Variants in MMP25 observed in about 807,000 individuals in gnomAD.
MMP25 encodes matrix metalloproteinase-25.
Under a neutral mutation model 62.1 loss-of-function variants are expected in MMP25, and 68 were observed. The ratio of observed to expected loss-of-function variants is 1.10; its 90% CI spans 0.90 to 1.34. The LOEUF (loss-of-function observed/expected upper bound fraction) is 1.34. Ranked by LOEUF, MMP25 falls within the 40% of genes most tolerant of loss-of-function variation. The probability of loss-of-function intolerance (pLI) is 0.00; values close to 1 mark genes in which losing one functional copy is unlikely to be tolerated. For synonymous variants in MMP25, 407 were observed against 345.6 expected (o/e 1.18, Z -1.97); for missense variants, 942 against 792.5 (o/e 1.19, Z -2.26).
Position 3,057,339 on chromosome 16 carries a change from C to G in MMP25, c.868C>G (p.Pro290Ala). The G allele has an allele frequency of 1.2e-6, 2 of 1,614,014 alleles. No individual in the cohort carries two copies. The highest frequency in any genetic ancestry group is 1.7e-6 in the Non-Finnish European group (2 of 1,179,980). Residue 290 changes from proline (P) to alanine (A), a missense_variant, in exon 6 of 10, where the codon CCC becomes GCC. Coordinates refer to ENST00000336577, the MANE Select transcript of MMP25 (RefSeq NM_022468.5). ...GGCGCCCCAAACCCCATATGACAAG[C>G]CCACAAGGAAACCCCTGGCTCCTCC... ...GKAPQTPYDK[P>A]TRKPLAPPPQ... is the part of the protein sequence containing the mutation.
intron 4 of MMP25, among the ~76,000 whole-genome samples, chr16:3,050,938 G>C (rs1955893765): frequency 6.6e-6 from 1 of 151,702 alleles, no homozygotes; most frequent in Non-Finnish European, 1.5e-5. Flanking sequence ...CCACAGATGT[G>C]CACCACCACA....
At chr16:3,055,903 G>A (rs1259749563) in intron 4 of MMP25, 1 of 455,552 alleles carries the variant, frequency 2.2e-6, no homozygotes, top group Non-Finnish European at 4.4e-6. Context: ...AGCCGGGGCT[G>A]GCGTGTGAAT....
chr16:3,050,334 G>A lies in MMP25; in HGVS notation c.449G>A (p.Gly150Asp). ...VLMSYALMAW[G>D]MESGLTFHEV... Reference sequence around the variant, plus strand: ...ATGAGCTATGCCCTGATGGCCTGGGGCATGGAGTCAGGCCTCACATTTCAT... The same window carrying A: ...ATGAGCTATGCCCTGATGGCCTGGGACATGGAGTCAGGCCTCACATTTCAT... The change falls in exon 4 of 10, where the codon GGC (glycine) becomes GAC (aspartate). Residue 150 changes from glycine (G) to aspartate (D), a missense_variant. Gly to Asp is a moderately conservative substitution (Grantham distance 94, BLOSUM62 -1). Coordinates refer to ENST00000336577, the MANE Select transcript of MMP25 (RefSeq NM_022468.5). 2 of 1,613,984 alleles carry A rather than the reference G, an allele frequency of 1.2e-6. No individual in the cohort carries two copies. Among genetic ancestry groups the A allele is most frequent in the Non-Finnish European group, 1.7e-6 (2 of 1,179,984 alleles).
At chr16:3,047,143 G>T in intron 1 of MMP25, 127 bp downstream of exon 1, 3 of 1,155,192 alleles carry the variant, frequency 2.6e-6, no homozygotes, top group South Asian at 1.7e-5. Context: ...CTGAGGATGG[G>T]GTCTGTGCTC....
At position 3,047,556 on chromosome 16, in the gene MMP25, C is replaced by T; in HGVS notation, c.232+9C>T. The T allele has an allele frequency of 2.5e-6, 4 of 1,610,984 alleles. No homozygotes were observed. Among genetic ancestry groups the T allele is most frequent in the South Asian group, 2.2e-5 (2 of 90,864 alleles). On this transcript the variant is annotated intron_variant, in intron 2 of 9. Transcript: ENST00000336577. The stretch of plus-strand genomic sequence containing the variant: ...GGAGACCGGCCGCATGGGTAGGTGG[C>T]CCCCACCCCTCCCCAGCCCTGCCTC...
intron 4 of MMP25, chr16:3,056,777 G>A: frequency 2.3e-6 from 1 of 430,080 alleles, no homozygotes; most frequent in Non-Finnish European, 4.1e-6. Flanking sequence ...CCATCGGTGT[G>A]TAAGGTGGCC....
intron 7 of MMP25, chr16:3,057,920 G>T (rs9924885): frequency 0.17 from 97,289 of 570,938 alleles, 8,687 homozygotes; most frequent in Admixed American, 0.23. Context: ...CCCAGGCTGG[G>T]CTCAATCTCC....
Position 3,047,485 on chromosome 16 carries a change from A to G in MMP25, c.170A>G (p.Lys57Arg). 6.2e-7 allele frequency: 1 copy of G among 1,613,886 alleles called. No homozygotes were observed. ...PAQAQLQSPE[K>R]LRDAIKVMQR... ...CAGGCCCAGCTGCAGAGCCCTGAGAAGTTGCGCGATGCCATCAAAGTCATG... is the reference window on the plus strand; with the variant it reads ...CAGGCCCAGCTGCAGAGCCCTGAGAGGTTGCGCGATGCCATCAAAGTCATG... The change falls in exon 2 of 10, where the codon AAG (lysine) becomes AGG (arginine). Residue 57 changes from lysine (K) to arginine (R), a missense_variant. Transcript: ENST00000336577.
intron 2 of MMP25, among the ~76,000 whole-genome samples, chr16:3,049,733 C>G (rs370213902): frequency 7.5e-4 from 115 of 152,322 alleles, no homozygotes; most frequent in African/African-American, 2.6e-3. Context: ...AAGCTGGATG[C>G]AAAATCCTGG....
At chr16:3,049,097 C>T (rs1308167507) in intron 2 of MMP25, among the ~76,000 whole-genome samples, 3 of 151,908 alleles carry the variant, frequency 2.0e-5, no homozygotes, top group East Asian at 3.9e-4. Flanking sequence ...CATGAGCCAC[C>T]GTGCCCGGCT....
rs1281623541 is a variant in MMP25 at position 3,059,271 on chromosome 16, C to G, written c.*173C>G. 3 of 764,444 alleles carry G rather than the reference C, an allele frequency of 3.9e-6. No homozygotes were observed. Among genetic ancestry groups the G allele is most frequent in the Admixed American group, 3.4e-5 (1 of 29,836 alleles). 47.4% of individuals were successfully genotyped at this position (764,444 alleles called of 1,614,324 possible). ...CGCGCAGGGGCGGCGGCGGCGGGGA[C>G]CGGTCGCCTGGCGCTGGGCTCAGTC... is the stretch of plus-strand genomic sequence containing the variant. On this transcript the variant is annotated 3_prime_UTR_variant, in exon 10 of 10. Transcript: ENST00000336577.
intron 2 of MMP25, among the ~76,000 whole-genome samples, chr16:3,048,359 A>G (rs1955851521): frequency 6.6e-6 from 1 of 152,210 alleles, no homozygotes; most frequent in South Asian, 2.1e-4. Flanking sequence ...TTCAGCTCCA[A>G]TGGTATAGTG....
chr16:3,058,684 G>C lies in MMP25; in HGVS notation c.1417+15G>C. 1 of 1,587,344 alleles carries C rather than the reference G, an allele frequency of 6.3e-7. No individual in the cohort carries two copies. The highest frequency in any genetic ancestry group is 1.1e-5 in the South Asian group (1 of 88,224). On this transcript the variant is annotated intron_variant, in intron 9 of 9. Transcript: ENST00000336577. ...CAGCAACGCAGGTGGGGAGCGCGGT[G>C]ACCTGCGGGTTACTGGGCCTGGGGG... is the stretch of plus-strand genomic sequence containing the variant.
Position 3,058,611 on chromosome 16 carries a change from C to T in MMP25, c.1359C>T (p.Asp453=), listed in dbSNP as rs1956059332. The T allele has an allele frequency of 6.2e-7, 1 of 1,607,392 alleles. No individual in the cohort carries two copies. The highest frequency in any genetic ancestry group is 8.5e-7 in the Non-Finnish European group (1 of 1,177,764). The change falls in exon 9 of 10, where the codon GAC becomes GAT. Residue 453 remains aspartate, a synonymous_variant. Transcript: ENST00000336577. ...GCCCGGACCCCGGCTACCCTCGCGA[C>T]CTGAGCCTCTGGGAAGGCGCGCCCC... ...AARPDPGYPR[D]LSLWEGAPPS...
chr16:3,055,065 G>C (rs1437679825), intron 4 of MMP25: 4 of 152,866 alleles, frequency 2.6e-5, no homozygotes, highest in African/African-American at 9.8e-5. Flanking sequence ...TGTCATTTGA[G>C]AGTTAGTGGC....
chr16:3,047,150 G>C (rs1257489376), intron 1 of MMP25, 134 bp downstream of exon 1: 1 of 1,138,802 alleles, frequency 8.8e-7, no homozygotes, highest in African/African-American at 1.6e-5. Context: ...TGGGGTCTGT[G>C]CTCCCGGCTT....
In MMP25 at chr16:3,050,347, C is replaced by A. The variant is rs746940388; in HGVS notation, c.462C>A (p.Gly154=). 1.9e-6 allele frequency: 3 copies of A among 1,614,066 alleles called. No homozygotes were observed. Among genetic ancestry groups the A allele is most frequent in the Non-Finnish European group, 1.7e-6 (2 of 1,180,022 alleles). ...TGATGGCCTGGGGCATGGAGTCAGG[C>A]CTCACATTTCATGAGGTGGATTCCC... The part of the protein sequence containing the change: ...YALMAWGMES[G]LTFHEVDSPQ... Residue 154 remains glycine, a synonymous_variant, in exon 4 of 10, where the codon GGC becomes GGA. Transcript: ENST00000336577.
At chr16:3,055,772 G>A in intron 4 of MMP25, 1 of 452,976 alleles carries the variant, frequency 2.2e-6, no homozygotes, top group Admixed American at 2.4e-5. Context: ...ATCCGCATGG[G>A]GTAACTGGGG....
In MMP25 at chr16:3,058,688, T is replaced by C. The variant is rs746918214; in HGVS notation, c.1417+19T>C. The stretch of plus-strand genomic sequence containing the variant: ...AACGCAGGTGGGGAGCGCGGTGACC[T>C]GCGGGTTACTGGGCCTGGGGGTGGG... On this transcript the variant is annotated intron_variant, in intron 9 of 9. Coordinates refer to ENST00000336577, the MANE Select transcript of MMP25 (RefSeq NM_022468.5). The C allele has an allele frequency of 1.5e-5, 24 of 1,577,904 alleles. 1 individual carries two copies. The African/African-American group carries it at 2.2e-4, about 14-fold the overall frequency.
Sources: gnomAD v4.1 joint callset for allele counts (sites outside exome capture counted in the v4.1 genomes callset) on GRCh38, gnomAD v4.1.1 for gene constraint, MANE v1.5 for transcripts, NCBI Gene and HGNC (gene_info 2026-07-23, HGNC 2026-07-21) for gene names.